KCNMA1: variants seen among roughly 807,000 people sequenced by gnomAD.
KCNMA1 encodes Calcium-activated potassium channel subunit alpha-1.
KCNMA1 carries 29 observed loss-of-function variants against 140.0 expected under a neutral mutation model. That is an observed-to-expected ratio of 0.21 (90% CI 0.15 to 0.28). KCNMA1 has a LOEUF of 0.28. Among genes scored for constraint, KCNMA1 ranks in the 10% least tolerant of loss-of-function variants. The pLI, the probability that KCNMA1 is intolerant of heterozygous loss-of-function variation, is 1.00. For synonymous variants in KCNMA1, 612 were observed against 611.9 expected (o/e 1.00, Z 0.00); for missense variants, 880 against 1,602.2 (o/e 0.55, Z 7.70).
chr10:77,043,749 A>G (rs1014281668), intron 14 of KCNMA1, among the ~76,000 whole-genome samples: 1 of 152,220 alleles, frequency 6.6e-6, no homozygotes, highest in African/African-American at 2.4e-5. Flanking sequence ...AAAAAAGGAC[A>G]ACCGTGTTAT....
chr10:77,460,727 A>G (rs2097850820), intron 1 of KCNMA1, among the ~76,000 whole-genome samples: 1 of 152,182 alleles, frequency 6.6e-6, no homozygotes, highest in South Asian at 2.1e-4. Context: ...AGTGGGAGCT[A>G]AACTGAGTAC....
intron 1 of KCNMA1, among the ~76,000 whole-genome samples, chr10:77,531,564 C>T (rs1006921164): frequency 2.0e-5 from 3 of 152,230 alleles, no homozygotes. Flanking sequence ...ACAGCTTAGT[C>T]ACAAGGGACT....
chr10:77,452,472 G>A (rs1230977972), intron 1 of KCNMA1, among the ~76,000 whole-genome samples: 3 of 152,220 alleles, frequency 2.0e-5, no homozygotes, highest in Admixed American at 6.5e-5. Flanking sequence ...ATGAGGAGGC[G>A]AGGTGATGAT....
chr10:77,090,268 A>G (rs2096782324), intron 10 of KCNMA1, 132 bp downstream of exon 10: 2 of 746,642 alleles, frequency 2.7e-6, no homozygotes, highest in African/African-American at 3.4e-5. Context: ...GCCAAAAGGG[A>G]TCATGGCTTA....
chr10:77,011,421 T>C (rs2090709867), intron 18 of KCNMA1, among the ~76,000 whole-genome samples: 2 of 152,166 alleles, frequency 1.3e-5, no homozygotes, highest in South Asian at 2.1e-4. Context: ...CGATGGCAAC[T>C]GAAGCCCTTT....
intron 24 of KCNMA1, chr10:76,910,376 C>T (rs1364571035): frequency 7.1e-6 from 3 of 421,308 alleles, no homozygotes; most frequent in Admixed American, 7.0e-5. Context: ...CTGGCCAGTC[C>T]TTTGGCATAG....
At chr10:77,182,113 A>C (rs554064414) in intron 5 of KCNMA1, among the ~76,000 whole-genome samples, 20 of 152,310 alleles carry the variant, frequency 1.3e-4, no homozygotes, top group African/African-American at 4.8e-4. Flanking sequence ...GTTATCCATC[A>C]ATGTCTGCAC....
intron 7 of KCNMA1, 56 bp downstream of exon 7, chr10:77,112,311 C>G: frequency 3.2e-6 from 4 of 1,231,310 alleles, no homozygotes; most frequent in Non-Finnish European, 4.8e-6. Flanking sequence ...TAAAATGACT[C>G]AGAGAGGGTC....
Position 76,964,248 on chromosome 10 carries a change from A to G in KCNMA1, c.2360+5726T>C, listed in dbSNP as rs914194633. On this transcript the variant is annotated intron_variant, in intron 20 of 27. Coordinates refer to ENST00000286628, the MANE Select transcript of KCNMA1 (RefSeq NM_001161352.2). The stretch of plus-strand genomic sequence containing the variant: ...CCTGGCAGAACTAGGGTCCTTTTCA[A>G]TTTCTCTGCATCTATCTACTTGCAT... Among the ~76,000 whole-genome samples, 16 of 151,942 alleles carry G rather than the reference A, an allele frequency of 1.1e-4. 1 individual carries two copies. Among genetic ancestry groups the G allele is most frequent in the African/African-American group, 3.6e-4 (15 of 41,448 alleles).
At position 76,941,053 on chromosome 10, in the gene KCNMA1, G is replaced by GAAAGAAAGAAAGAAAGAAAGAA. The variant is rs55655308; in HGVS notation, c.2902+3719_2902+3720insTTCTTTCTTTCTTTCTTTCTTT. ...AGAAAGAAAGAAAGAAAGAAAGAAA[G>GAAAGAAAGAAAGAAAGAAAGAA]AGAAAGAAAGAAAGAAAAAGAAAGA... On this transcript the variant is annotated intron_variant, in intron 23 of 27. Coordinates refer to ENST00000286628, the MANE Select transcript of KCNMA1 (RefSeq NM_001161352.2). Among the ~76,000 whole-genome samples the GAAAGAAAGAAAGAAAGAAAGAA allele has an allele frequency of 2.4e-4, 13 of 55,150 alleles. 3 individuals carry two copies. The highest frequency in any genetic ancestry group is 4.0e-4 in the Non-Finnish European group (12 of 30,224). 36.2% of individuals were successfully genotyped at this position (55,150 alleles called of 152,430 possible).
chr10:77,104,018 A>G (rs2097152027), intron 9 of KCNMA1, among the ~76,000 whole-genome samples: 1 of 152,214 alleles, frequency 6.6e-6, no homozygotes, highest in Admixed American at 6.5e-5. Flanking sequence ...GACGCAGGGA[A>G]GCAGGCTGTC....
At chr10:77,583,328 C>T (rs943371172) in intron 1 of KCNMA1, among the ~76,000 whole-genome samples, 2 of 152,140 alleles carry the variant, frequency 1.3e-5, no homozygotes, top group African/African-American at 2.4e-5. Context: ...GAAAGATGGA[C>T]GGGGGCACAA....
At chr10:77,421,725 G>A (rs1440670265) in intron 1 of KCNMA1, among the ~76,000 whole-genome samples, 2 of 152,214 alleles carry the variant, frequency 1.3e-5, no homozygotes, top group African/African-American at 4.8e-5. Context: ...AAAAACAGAT[G>A]GCAGGCCAGA....
intron 15 of KCNMA1, among the ~76,000 whole-genome samples, chr10:77,031,947 G>A (rs749515777): frequency 2.0e-4 from 30 of 152,322 alleles, no homozygotes; most frequent in Middle Eastern, 6.8e-3. Context: ...GGCAAACTAG[G>A]AAAGTCTATG....
At chr10:77,030,704 T>C (rs932484681) in intron 15 of KCNMA1, among the ~76,000 whole-genome samples, 1 of 152,108 alleles carries the variant, frequency 6.6e-6, no homozygotes, top group East Asian at 1.9e-4. Context: ...AAGAAAAGAG[T>C]TTCCTCTACA....
intron 14 of KCNMA1, 74 bp downstream of exon 14, chr10:77,073,023 A>T: frequency 7.1e-7 from 1 of 1,410,774 alleles, no homozygotes; most frequent in Non-Finnish European, 1.0e-6. Context: ...TTTTGAGTTT[A>T]AGCTGTGCTC....
intron 3 of KCNMA1, among the ~76,000 whole-genome samples, chr10:77,216,835 C>A (rs1248589273): frequency 6.6e-6 from 1 of 152,100 alleles, no homozygotes. Context: ...TCAACAACTA[C>A]CCTTCAAGAT....
chr10:76,869,788 TA>T (rs1376294129), exon 28 of KCNMA1: 1 of 152,570 alleles, frequency 6.6e-6, no homozygotes, highest in Non-Finnish European at 1.5e-5. Context: ...CAGGTCAGAG[TA>T]ATTAATCATA....
chr10:76,898,858 T>A (rs867218804), intron 25 of KCNMA1, among the ~76,000 whole-genome samples: 28 of 151,704 alleles, frequency 1.8e-4, no homozygotes, highest in Non-Finnish European at 3.1e-4. Context: ...ATTCTTTTTT[T>A]AAAAAAAAGC....
Sources: gnomAD v4.1 joint callset for allele counts (sites outside exome capture counted in the v4.1 genomes callset) on GRCh38, gnomAD v4.1.1 for gene constraint, MANE v1.5 for transcripts, NCBI Gene and HGNC (gene_info 2026-07-23, HGNC 2026-07-21) for gene names.